The following WBP4 variants were observed in gnomAD, a reference collection of about 807,000 sequenced individuals.
WBP4 encodes WW domain binding protein 4, also known as WW domain-binding protein 4.
WBP4 carries 37 observed loss-of-function variants against 55.4 expected under a neutral mutation model. That is an observed-to-expected ratio of 0.67 (90% CI 0.51 to 0.88). The LOEUF (loss-of-function observed/expected upper bound fraction) is 0.88. Among genes scored for constraint, WBP4 ranks in the 40% least tolerant of loss-of-function variants. The pLI, the probability that WBP4 is intolerant of heterozygous loss-of-function variation, is 0.00. For missense variants in WBP4, 398 were observed against 420.8 expected (o/e 0.95, Z 0.47); for synonymous variants, 142 against 140.2 (o/e 1.01, Z -0.09).
intron 1 of WBP4, 44 bp from the exon 2 acceptor site, chr13:41,062,600 T>C: frequency 6.4e-7 from 1 of 1,573,924 alleles, no homozygotes; most frequent in East Asian, 2.2e-5. Context: ...TTTAACCTTT[T>C]TTAAGTTTTA....
chr13:41,076,083 C>G lies in WBP4; in HGVS notation c.602C>G (p.Thr201Ser), dbSNP rs1878468578. 3 of 1,613,484 alleles carry G rather than the reference C, an allele frequency of 1.9e-6. No individual in the cohort carries two copies. The highest frequency in any genetic ancestry group is 2.2e-5 in the South Asian group (2 of 90,986). ...WEKPDDFIPH[T>S]SDLPSSKVNE... ...AAACCTGATGATTTCATTCCACACA[C>G]TAGTGATCTGCCTTCTAGTAAGGTC... Residue 201 changes from threonine (T) to serine (S), a missense_variant, in exon 8 of 10, where the codon ACT becomes AGT. Physicochemically the swap from Thr to Ser is moderately conservative, Grantham distance 58 (BLOSUM62 1). Transcript: ENST00000379487.
chr13:41,073,854 T>C (rs188016178), intron 7 of WBP4, among the ~76,000 whole-genome samples: 248 of 151,950 alleles, frequency 1.6e-3, no homozygotes, highest in Non-Finnish European at 2.5e-3. Context: ...GTCTAACAAA[T>C]TAGTAAAAGT....
intron 6 of WBP4, among the ~76,000 whole-genome samples, chr13:41,072,045 CAAAAA>C (rs560903455): frequency 2.0e-5 from 1 of 50,798 alleles, no homozygotes; most frequent in Non-Finnish European, 5.0e-5. Context: ...GACTCCGTCT[CAAAAA>C]AAAAAAAAAA....
At position 41,065,260 on chromosome 13, in the gene WBP4, G is replaced by T. The variant is rs376006360; in HGVS notation, c.235G>T (p.Asp79Tyr). Residue 79 changes from aspartate (D) to tyrosine (Y), a missense_variant, in exon 4 of 10, where the codon GAT (aspartate) becomes TAT (tyrosine). Coordinates refer to ENST00000379487, the MANE Select transcript of WBP4 (RefSeq NM_007187.5). Reference protein sequence around the residue: ...EAAALKAYQEDLKRLGLESEI... With the variant: ...EAAALKAYQEYLKRLGLESEI... ...AGCTGCCCTGAAAGCATACCAAGAG[G>T]ATTTGAAAAGACTTGGCTTAGAGTC... The T allele has an allele frequency of 4.1e-5, 62 of 1,529,288 alleles. No homozygotes were observed. Among genetic ancestry groups the T allele is most frequent in the Non-Finnish European group, 4.6e-5 (52 of 1,125,086 alleles). 94.7% of individuals were successfully genotyped at this position (1,529,288 alleles called of 1,614,324 possible).
rs755201893 is a variant in WBP4 at position 41,068,748 on chromosome 13, T to C, written c.439+11T>C. 1.5e-5 allele frequency: 23 copies of C among 1,558,758 alleles called. No individual in the cohort carries two copies. Among genetic ancestry groups the C allele is most frequent in the Non-Finnish European group, 1.9e-5 (22 of 1,154,326 alleles). ...ATCTTATCTCAGGAGGTAAGTCATT[T>C]AGGCATAAAACTGGTAAAGAACAGT... On this transcript the variant is annotated intron_variant, in intron 5 of 9. Coordinates refer to ENST00000379487, the MANE Select transcript of WBP4 (RefSeq NM_007187.5).
At chr13:41,073,222 A>G (rs1232346003) in intron 7 of WBP4, among the ~76,000 whole-genome samples, 2 of 152,202 alleles carry the variant, frequency 1.3e-5, no homozygotes, top group African/African-American at 2.4e-5. Flanking sequence ...CTTTTTAAAA[A>G]TAAAACTGTG....
At chr13:41,073,955 C>T (rs1479514765) in intron 7 of WBP4, among the ~76,000 whole-genome samples, 3 of 145,930 alleles carry the variant, frequency 2.1e-5, no homozygotes, top group African/African-American at 7.6e-5. Flanking sequence ...TTTTTTGAGA[C>T]GGAGTCTTGC....
In WBP4 at chr13:41,080,655, A is replaced by T. The variant is rs763576665; in HGVS notation, c.766A>T (p.Lys256Ter). The T allele has an allele frequency of 1.3e-6, 2 of 1,577,486 alleles. No homozygotes were observed. The highest frequency in any genetic ancestry group is 1.2e-5 in the South Asian group (1 of 84,050). Residue 256 changes from lysine to a stop codon, truncating the protein, a stop_gained, in exon 9 of 10, where the codon AAA becomes TAA. Transcript: ENST00000379487. LOFTEE classifies it high-confidence loss of function. ...GGCTTTTACATTTCAGGAAAAAAAT[A>T]AAAATAGTGATGGAGGAAGTGACCC... ...KPKIKFKEKNKNSDGGSDPET... is the reference protein window; with the variant it reads ...KPKIKFKEKN
intron 8 of WBP4, among the ~76,000 whole-genome samples, chr13:41,077,691 A>G (rs1593433095): frequency 1.3e-5 from 2 of 152,312 alleles, no homozygotes; most frequent in South Asian, 4.1e-4. Flanking sequence ...GAGGAAGTCA[A>G]ACTATCTCTG....
chr13:41,075,905 G>A (rs1878458999), intron 7 of WBP4, 139 bp from the exon 8 acceptor site: 1 of 953,670 alleles, frequency 1.0e-6, no homozygotes, highest in Non-Finnish European at 1.5e-6. Flanking sequence ...TGAGAACTCT[G>A]TTATCTTCTT....
intron 4 of WBP4, 134 bp downstream of exon 4, chr13:41,065,421 A>G: frequency 1.6e-6 from 2 of 1,269,876 alleles, no homozygotes; most frequent in Non-Finnish European, 2.1e-6. Flanking sequence ...ATTATGCATC[A>G]TAGCCCTGTT....
rs758745270 is a variant in WBP4, at chr13:41,072,796, C to G, written c.501C>G (p.Thr167=). The G allele has an allele frequency of 1.9e-6, 3 of 1,613,036 alleles. No homozygotes were observed. The highest frequency in any genetic ancestry group is 1.7e-5 in the Admixed American group (1 of 59,884). ...CCTCCTATTAGACAGCAGTGAAGAC[C>G]GTTTGGGTAGAAGGTTTAAGTGAAG... ...QGDLKKTAVK[T]VWVEGLSEDG... Residue 167 remains threonine, a synonymous_variant, in exon 7 of 10, where the codon ACC becomes ACG. Transcript: ENST00000379487.
intron 4 of WBP4, among the ~76,000 whole-genome samples, chr13:41,068,360 G>T (rs1878070743): frequency 6.6e-6 from 1 of 152,106 alleles, no homozygotes; most frequent in African/African-American, 2.4e-5. Flanking sequence ...ACACCTGGTA[G>T]AACTAAATTC....
chr13:41,070,963 C>A (rs1254002014), intron 5 of WBP4, among the ~76,000 whole-genome samples: 1 of 152,120 alleles, frequency 6.6e-6, no homozygotes, highest in Non-Finnish European at 1.5e-5. Context: ...AAGTGACATG[C>A]ATATTGTAGT....
At chr13:41,072,338 G>A (rs1878286956) in intron 6 of WBP4, among the ~76,000 whole-genome samples, 2 of 152,184 alleles carry the variant, frequency 1.3e-5, no homozygotes, top group South Asian at 4.1e-4. Flanking sequence ...CAAGAAAAGA[G>A]GTTTAATTGA....
chr13:41,082,508 A>C (rs1878826394), intron 9 of WBP4, among the ~76,000 whole-genome samples, 196 bp from the exon 10 acceptor site: 1 of 152,066 alleles, frequency 6.6e-6, no homozygotes, highest in Non-Finnish European at 1.5e-5. Context: ...AATACATAGA[A>C]CTTCTCCCAG....
chr13:41,063,200 T>C (rs1877783503), intron 2 of WBP4, among the ~76,000 whole-genome samples: 1 of 152,182 alleles, frequency 6.6e-6, no homozygotes, highest in African/African-American at 2.4e-5. Flanking sequence ...ACAACTCTGT[T>C]AGGTATGTTG....
chr13:41,070,827 T>A (rs1004928937), intron 5 of WBP4, among the ~76,000 whole-genome samples: 1 of 152,128 alleles, frequency 6.6e-6, no homozygotes, highest in Non-Finnish European at 1.5e-5. Flanking sequence ...GGAAATAAGA[T>A]CAGAGAGTTA....
rs991316915 is a variant in WBP4, at chr13:41,072,916, G to T, written c.562+59G>T. On this transcript the variant is annotated intron_variant, in intron 7 of 9. Coordinates refer to ENST00000379487, the MANE Select transcript of WBP4 (RefSeq NM_007187.5). Reference sequence around the variant, plus strand: ...AAATTGTACCTGGAACTGCTTATTGGCCTGCTGATTAATCATCTGAACTTG... The same window carrying T: ...AAATTGTACCTGGAACTGCTTATTGTCCTGCTGATTAATCATCTGAACTTG... 41 of 1,371,772 alleles carry T rather than the reference G, an allele frequency of 3.0e-5. No individual in the cohort carries two copies. In the African/African-American group the frequency reaches 5.8e-4, roughly 19 times the overall value. The allele number at this position is 1,371,772 out of a possible 1,614,324, so 85.0% of individuals were successfully genotyped here. A position where few individuals can be genotyped will look rare whatever the true frequency, so the allele number is the denominator to read the frequency against.
Sources: gnomAD v4.1 joint callset for allele counts (sites outside exome capture counted in the v4.1 genomes callset) on GRCh38, gnomAD v4.1.1 for gene constraint, MANE v1.5 for transcripts, NCBI Gene and HGNC (gene_info 2026-07-23, HGNC 2026-07-21) for gene names.